CEMIP2: variants seen among roughly 807,000 people sequenced by gnomAD.
CEMIP2 encodes cell surface hyaluronidase CEMIP2.
Under a neutral mutation model 146.9 loss-of-function variants are expected in CEMIP2, and 79 were observed. That is an observed-to-expected ratio of 0.54 (90% confidence interval 0.45 to 0.65). The LOEUF is 0.65. CEMIP2 is among the 30% of genes least tolerant of loss of function. The probability of loss-of-function intolerance (pLI) is 0.00; values close to 1 mark genes in which losing one functional copy is unlikely to be tolerated. For synonymous variants in CEMIP2, 601 were observed against 606.3 expected (o/e 0.99, Z 0.13); for missense variants, 1,596 against 1,696.2 (o/e 0.94, Z 1.04).
chr9:71,749,929 A>C (rs1824195511), intron 2 of CEMIP2, 114 bp downstream of exon 2: 2 of 814,494 alleles, frequency 2.5e-6, no homozygotes, highest in Admixed American at 6.1e-5. Context: ...GTATTACCTA[A>C]CTACATATTA....
chr9:71,707,658 C>T (rs1311574651), intron 17 of CEMIP2, among the ~76,000 whole-genome samples: 1 of 152,178 alleles, frequency 6.6e-6, no homozygotes, highest in Non-Finnish European at 1.5e-5. Flanking sequence ...GAAAACACAC[C>T]TTTGACCGGC....
At chr9:71,739,841 T>C (rs1320962863) in intron 5 of CEMIP2, among the ~76,000 whole-genome samples, 1 of 152,168 alleles carries the variant, frequency 6.6e-6, no homozygotes, top group Non-Finnish European at 1.5e-5. Flanking sequence ...CTTCTTCCAA[T>C]GTGGTCTAGG....
intron 10 of CEMIP2, among the ~76,000 whole-genome samples, chr9:71,728,702 A>G (rs1459122405): frequency 6.6e-6 from 1 of 152,024 alleles, no homozygotes; most frequent in Non-Finnish European, 1.5e-5. Context: ...TTGTATATAA[A>G]GCCTTACATT....
At position 71,745,243 on chromosome 9, in the gene CEMIP2, C is replaced by T; in HGVS notation, c.809G>A (p.Arg270Lys). Residue 270 changes from arginine (R) to lysine (K), a missense_variant, in exon 4 of 24, where the codon AGG (arginine) becomes AAG (lysine). Arg to Lys is a conservative substitution (Grantham distance 26, BLOSUM62 2). Coordinates refer to ENST00000377044, the MANE Select transcript of CEMIP2 (RefSeq NM_013390.3). ...TTTGGCCGTGTCTTGGTCAATGACC[C>T]TCACATTGAGGCCCCGGGAAAAGTC... ...EKDFSRGLNVRVIDQDTAKIL... is the reference protein window; with the variant it reads ...EKDFSRGLNVKVIDQDTAKIL... 3 of 1,614,094 alleles carry T rather than the reference C, an allele frequency of 1.9e-6. No homozygotes were observed. The highest frequency in any genetic ancestry group is 2.5e-6 in the Non-Finnish European group (3 of 1,180,014).
At chr9:71,751,702 G>A (rs952918959) in intron 1 of CEMIP2, among the ~76,000 whole-genome samples, 17 of 152,132 alleles carry the variant, frequency 1.1e-4, no homozygotes, top group Non-Finnish European at 7.4e-5. Flanking sequence ...CACACTTTGA[G>A]TATCATTATT....
intron 1 of CEMIP2, among the ~76,000 whole-genome samples, chr9:71,758,436 A>G (rs1412134824): frequency 1.3e-5 from 2 of 152,222 alleles, no homozygotes; most frequent in Admixed American, 1.3e-4. Flanking sequence ...AAGTGTGTAA[A>G]TACCTTCTAG....
chr9:71,736,522 GATGATGTAAATTATGTAATCTA>G (rs1823764992), intron 5 of CEMIP2, among the ~76,000 whole-genome samples: 1 of 152,132 alleles, frequency 6.6e-6, no homozygotes, highest in South Asian at 2.1e-4. Flanking sequence ...CCTTTCCTGG[GATGATGTAAATTATGTAATCTA>G]ATGACTACTA....
At chr9:71,759,328 C>T (rs999657679) in intron 1 of CEMIP2, among the ~76,000 whole-genome samples, 2 of 152,150 alleles carry the variant, frequency 1.3e-5, no homozygotes, top group African/African-American at 4.8e-5. Context: ...ATCTTGCCTG[C>T]CCCAAAAACC....
chr9:71,690,199 A>G lies in CEMIP2; in HGVS notation c.3744T>C (p.Leu1248=), dbSNP rs1822187056. 3.7e-6 allele frequency: 6 copies of G among 1,614,130 alleles called. No homozygotes were observed. Among genetic ancestry groups the G allele is most frequent in the Non-Finnish European group, 4.2e-6 (5 of 1,179,998 alleles). Reference sequence around the variant, plus strand: ...ATGGAACGCTGCACGGATCCACAACAAGGAGGAGGACGCCTGCACTTCGGA... The same window carrying G: ...ATGGAACGCTGCACGGATCCACAACGAGGAGGAGGACGCCTGCACTTCGGA... ...FTFRSAGVLL[L]VVDPCSVPFR... The change falls in exon 22 of 24, where the codon CTT becomes CTC. Residue 1248 remains leucine (L), a synonymous_variant. Transcript: ENST00000377044.
intron 5 of CEMIP2, among the ~76,000 whole-genome samples, chr9:71,737,329 G>A (rs1306923210): frequency 1.3e-5 from 2 of 151,366 alleles, no homozygotes; most frequent in Non-Finnish European, 2.9e-5. Context: ...GCACGTGCCT[G>A]TAGTTCCAGC....
At chr9:71,740,925 C>T (rs1823895195) in intron 4 of CEMIP2, among the ~76,000 whole-genome samples, 2 of 152,160 alleles carry the variant, frequency 1.3e-5, no homozygotes. Flanking sequence ...CCCACTCTCT[C>T]AGTTTCTGAG....
rs111511866 is a variant in CEMIP2, at chr9:71,709,543, A to C, written c.2770-69T>G. 77 of 1,271,648 alleles carry C rather than the reference A, an allele frequency of 6.1e-5. 2 individuals are homozygous for C. The African/African-American group carries it at 7.0e-4, about 12-fold the overall frequency. The allele number at this position is 1,271,648 out of a possible 1,614,324, so 78.8% of individuals were successfully genotyped here. A position where few individuals can be genotyped will look rare whatever the true frequency, so the allele number is the denominator to read the frequency against. ...TGCTATCTCAGCATCCCCTGCAATG[A>C]CTCAACTGCAGGTCCATTGTGATTG... On this transcript the variant is annotated intron_variant, in intron 16 of 23. Coordinates refer to ENST00000377044, the MANE Select transcript of CEMIP2 (RefSeq NM_013390.3).
intron 15 of CEMIP2, among the ~76,000 whole-genome samples, chr9:71,713,882 T>C (rs1434491212): frequency 2.0e-5 from 3 of 152,218 alleles, no homozygotes; most frequent in Non-Finnish European, 4.4e-5. Flanking sequence ...GCCTGACATA[T>C]CATAAGCATT....
intron 7 of CEMIP2, 140 bp downstream of exon 7, chr9:71,732,211 A>G: frequency 1.2e-6 from 1 of 833,508 alleles, no homozygotes; most frequent in Non-Finnish European, 1.8e-6. Flanking sequence ...ATCATCTAAA[A>G]CCTCCTCATT....
intron 17 of CEMIP2, 76 bp from the exon 18 acceptor site, chr9:71,704,879 T>A: frequency 7.3e-7 from 1 of 1,377,818 alleles, no homozygotes; most frequent in Non-Finnish European, 1.0e-6. Flanking sequence ...CAGCACAAAG[T>A]CAAGTGTCTC....
intron 1 of CEMIP2, among the ~76,000 whole-genome samples, chr9:71,758,249 T>C (rs1021517291): frequency 6.6e-5 from 10 of 152,184 alleles, no homozygotes; most frequent in African/African-American, 9.7e-5. Flanking sequence ...TCTCAAAGAA[T>C]TGAAAACCCT....
At chr9:71,730,493 C>T (rs1184867010) in intron 8 of CEMIP2, among the ~76,000 whole-genome samples, 1 of 151,840 alleles carries the variant, frequency 6.6e-6, no homozygotes, top group Non-Finnish European at 1.5e-5. Context: ...AAATACAAGA[C>T]ATAAAATTGA....
At chr9:71,723,067 A>C (rs965107820) in intron 11 of CEMIP2, among the ~76,000 whole-genome samples, 2 of 151,240 alleles carry the variant, frequency 1.3e-5, no homozygotes, top group Non-Finnish European at 2.9e-5. Flanking sequence ...CTGAAGAGCC[A>C]GAGAAAATAA....
intron 5 of CEMIP2, among the ~76,000 whole-genome samples, chr9:71,737,170 A>AAG (rs1554686473): frequency 7.6e-6 from 1 of 132,016 alleles, no homozygotes; most frequent in Non-Finnish European, 1.7e-5. Flanking sequence ...AAAAAAAAAA[A>AAG]AAAGAAAGAA....
Sources: gnomAD v4.1 joint callset for allele counts (sites outside exome capture counted in the v4.1 genomes callset) on GRCh38, gnomAD v4.1.1 for gene constraint, MANE v1.5 for transcripts, NCBI Gene and HGNC (gene_info 2026-07-23, HGNC 2026-07-21) for gene names.